The following TRIQK variants were observed in gnomAD, a reference collection of about 807,000 sequenced individuals.
TRIQK encodes triple QxxK/R motif containing.
In TRIQK, 10 loss-of-function variants were observed where a neutral mutation model predicts 10.8. The ratio of observed to expected loss-of-function variants is 0.92; its 90% confidence interval spans 0.57 to 1.57. The LOEUF (loss-of-function observed/expected upper bound fraction) is 1.57, where lower values mean the gene tolerates loss of function less well. Among genes scored for constraint, TRIQK ranks in the 40% most tolerant of loss-of-function variants. The probability of loss-of-function intolerance (pLI) is 0.00; values close to 1 mark genes in which losing one functional copy is unlikely to be tolerated. For synonymous variants in TRIQK, 33 were observed against 33.7 expected (o/e 0.98, Z 0.07); for missense variants, 107 against 97.7 (o/e 1.09, Z -0.40).
intron 1 of TRIQK, chr8:92,960,544 A>C (rs948124977): frequency 6.6e-6 from 1 of 152,188 alleles, no homozygotes; most frequent in African/African-American, 2.4e-5. Context: ...TCAATGAAGA[A>C]CCTCAAAATG....
chr8:92,950,429 C>G (rs973974045), intron 2 of TRIQK, among the ~76,000 whole-genome samples: 7 of 152,134 alleles, frequency 4.6e-5, no homozygotes, highest in Admixed American at 4.6e-4. Flanking sequence ...AACTTAATCT[C>G]TAATCGTTGT....
At chr8:92,975,144 C>T (rs938092369) in intron 1 of TRIQK, among the ~76,000 whole-genome samples, 1 of 152,192 alleles carries the variant, frequency 6.6e-6, no homozygotes, top group African/African-American at 2.4e-5. Flanking sequence ...CTCTCATGGC[C>T]TCCCCAGTTT....
intron 2 of TRIQK, among the ~76,000 whole-genome samples, chr8:92,925,512 T>TA (rs2130515870): frequency 6.6e-6 from 1 of 152,226 alleles, no homozygotes; most frequent in Non-Finnish European, 1.5e-5. Context: ...CAGAATGCAT[T>TA]AAAAAACTAT....
chr8:92,934,121 CA>C (rs758993816), intron 2 of TRIQK, among the ~76,000 whole-genome samples: 25 of 151,994 alleles, frequency 1.6e-4, no homozygotes, highest in Non-Finnish European at 3.2e-4. Context: ...TAGTTTGGTA[CA>C]TGGATAGTTT....
At position 92,927,203 on chromosome 8, in the gene TRIQK, C is replaced by A. The variant is rs545722782; in HGVS notation, c.-21-10193G>T. 3.9e-5 allele frequency among the ~76,000 whole-genome samples: 6 copies of A among 151,960 alleles called. No individual in the cohort carries two copies. The East Asian group carries it at 1.2e-3, about 29-fold the overall frequency. ...ATTTTTCTTTCTGAGTGCTTAGCTA[C>A]CTAGTGCTGACATAGGGAAGGGTAG... is the stretch of plus-strand genomic sequence containing the variant. On this transcript the variant is annotated intron_variant, in intron 2 of 4. Transcript: ENST00000521988.
chr8:92,968,074 A>T (rs1480447854), upstream of TRIQK, among the ~76,000 whole-genome samples: 1 of 152,116 alleles, frequency 6.6e-6, no homozygotes, highest in African/African-American at 2.4e-5. Context: ...GATGTATGTT[A>T]TATGCTTATT....
In TRIQK at chr8:92,886,743, G is replaced by C; in HGVS notation, c.148-8C>G. 1 of 1,407,174 alleles carries C rather than the reference G, an allele frequency of 7.1e-7. No individual in the cohort carries two copies. The allele number at this position is 1,407,174 out of a possible 1,614,324, so 87.2% of individuals were successfully genotyped here. A position where few individuals can be genotyped will look rare whatever the true frequency, so the allele number is the denominator to read the frequency against. On this transcript the variant is annotated splice_region_variant and splice_polypyrimidine_tract_variant and intron_variant, in intron 4 of 4. Coordinates refer to ENST00000521988, the MANE Select transcript of TRIQK (RefSeq NM_001171797.2). ...AAGTACAAGGCCAACTTCCTGGGAA[G>C]AAAAAAAAAGTAGACTTGAAATTGA...
At chr8:92,980,368 T>G (rs566457631) in intron 1 of TRIQK, among the ~76,000 whole-genome samples, 9 of 150,814 alleles carry the variant, frequency 6.0e-5, no homozygotes, top group South Asian at 4.2e-4. Flanking sequence ...CATATGGGGG[T>G]GTGTGTGTGT....
At chr8:92,949,366 C>G (rs1811711361) in intron 2 of TRIQK, among the ~76,000 whole-genome samples, 1 of 152,040 alleles carries the variant, frequency 6.6e-6, no homozygotes, top group Non-Finnish European at 1.5e-5. Context: ...AGTAAGAATA[C>G]CTATCTCACA....
chr8:92,966,179 C>T (rs1372863529), upstream of TRIQK: 1 of 152,300 alleles, frequency 6.6e-6, no homozygotes, highest in Non-Finnish European at 1.5e-5. Context: ...GACCAGGCCT[C>T]AGCCTGCTCT....
intron 1 of TRIQK, among the ~76,000 whole-genome samples, chr8:92,980,399 G>C (rs537062463): frequency 5.9e-5 from 9 of 151,974 alleles, no homozygotes; most frequent in South Asian, 4.1e-4. Context: ...ACTCACGCGC[G>C]TGTGTGTTCA....
chr8:92,963,046 T>C (rs898489163), intron 1 of TRIQK, among the ~76,000 whole-genome samples: 2 of 152,198 alleles, frequency 1.3e-5, no homozygotes, highest in Non-Finnish European at 2.9e-5. Context: ...AGAGCTATTA[T>C]TGAGCCCCTA....
At chr8:92,957,720 G>T (rs1043056996) in intron 1 of TRIQK, among the ~76,000 whole-genome samples, 11 of 151,890 alleles carry the variant, frequency 7.2e-5, no homozygotes, top group Non-Finnish European at 1.3e-4. Flanking sequence ...TCTTAAAGCA[G>T]TTAGTTCTAT....
At position 92,960,842 on chromosome 8, in the gene TRIQK, G is replaced by C. The variant is rs374140688; in HGVS notation, c.-181+5165C>G. 5.8e-4 allele frequency: 89 copies of C among 152,322 alleles called. 1 individual carries two copies. The highest frequency in any genetic ancestry group is 2.1e-3 in the African/African-American group (89 of 41,574). The allele number at this position is 152,322 out of a possible 1,614,324, so 9.4% of individuals were successfully genotyped here. A position where few individuals can be genotyped will look rare whatever the true frequency, so the allele number is the denominator to read the frequency against. Reference sequence around the variant, plus strand: ...AGACTTCTGAACCACAGAACTGTCAGATACTAAATTTGTGTTATTTTAAGT... The same window carrying C: ...AGACTTCTGAACCACAGAACTGTCACATACTAAATTTGTGTTATTTTAAGT... On this transcript the variant is annotated intron_variant, in intron 1 of 4. Transcript: ENST00000521988.
chr8:92,907,713 T>G (rs182532662), intron 3 of TRIQK, among the ~76,000 whole-genome samples: 220 of 152,210 alleles, frequency 1.4e-3, no homozygotes, highest in Middle Eastern at 6.8e-3. Flanking sequence ...AGTTATAATT[T>G]CTAATTAGTA....
intron 2 of TRIQK, among the ~76,000 whole-genome samples, chr8:92,952,697 AT>A (rs1399262643): frequency 6.6e-6 from 1 of 152,026 alleles, no homozygotes; most frequent in African/African-American, 2.4e-5. Context: ...TGGATATCTT[AT>A]ACTCCTTTAA....
intron 1 of TRIQK, among the ~76,000 whole-genome samples, chr8:93,008,634 GA>G (rs1479258792): frequency 6.6e-6 from 1 of 152,112 alleles, no homozygotes; most frequent in Non-Finnish European, 1.5e-5. Context: ...CATAAAATCA[GA>G]TGCACAGACC....
intron 1 of TRIQK, among the ~76,000 whole-genome samples, chr8:93,006,507 C>A (rs1813274006): frequency 1.3e-5 from 2 of 152,190 alleles, no homozygotes; most frequent in South Asian, 4.1e-4. Flanking sequence ...CAGAACTGTG[C>A]AGAGTCCCAG....
At chr8:92,887,883 T>C (rs1033697358) in intron 4 of TRIQK, among the ~76,000 whole-genome samples, 1 of 151,578 alleles carries the variant, frequency 6.6e-6, no homozygotes, top group Non-Finnish European at 1.5e-5. Context: ...ACTATGAAAA[T>C]AAATATTAAT....
Sources: gnomAD v4.1 joint callset for allele counts (sites outside exome capture counted in the v4.1 genomes callset) on GRCh38, gnomAD v4.1.1 for gene constraint, MANE v1.5 for transcripts, NCBI Gene and HGNC (gene_info 2026-07-23, HGNC 2026-07-21) for gene names.